CEP164: variants seen among roughly 807,000 people sequenced by gnomAD.
CEP164 encodes the protein centrosomal protein of 164 kDa.
Under a neutral mutation model 182.7 loss-of-function variants are expected in CEP164, and 162 were observed. The observed-to-expected ratio is 0.89, with a 90% confidence interval of 0.78 to 1.01. The LOEUF (loss-of-function observed/expected upper bound fraction) is 1.01. Ranked by LOEUF, CEP164 falls within the 50% of genes least tolerant of loss-of-function variation. The pLI, the probability that CEP164 is intolerant of heterozygous loss-of-function variation, is 0.00. For synonymous variants in CEP164, 661 were observed against 690.0 expected (o/e 0.96, Z 0.66); for missense variants, 1,735 against 1,790.4 (o/e 0.97, Z 0.56).
chr11:117,332,413 A>G (rs2036370888), intron 1 of CEP164, among the ~76,000 whole-genome samples: 2 of 151,986 alleles, frequency 1.3e-5, no homozygotes, highest in Non-Finnish European at 2.9e-5. Flanking sequence ...CATCTCCACT[A>G]AAAAAATACA....
chr11:117,330,427 C>T (rs770748134), intron 1 of CEP164, among the ~76,000 whole-genome samples: 1 of 152,100 alleles, frequency 6.6e-6, no homozygotes, highest in Non-Finnish European at 1.5e-5. Context: ...CCAAGGCGGG[C>T]GGATCACCTG....
chr11:117,372,130 CAG>C (rs1467570632), intron 9 of CEP164, among the ~76,000 whole-genome samples: 2 of 105,166 alleles, frequency 1.9e-5, no homozygotes, highest in African/African-American at 7.5e-5. Flanking sequence ...TTTTTTAAGA[CAG>C]AGTCTCACTC....
At chr11:117,371,591 A>G (rs2042197284) in intron 9 of CEP164, 125 bp downstream of exon 9, 1 of 1,205,356 alleles carries the variant, frequency 8.3e-7, no homozygotes, top group Admixed American at 2.8e-5. Context: ...GTGTCCCTGC[A>G]CTGGGCTGTC....
chr11:117,373,562 C>T (rs530787377), intron 9 of CEP164, among the ~76,000 whole-genome samples, 189 bp from the exon 10 acceptor site: 2 of 152,140 alleles, frequency 1.3e-5, no homozygotes, highest in Middle Eastern at 3.2e-3. Flanking sequence ...CCCAGTGGGG[C>T]GGAGGCTGTG....
intron 5 of CEP164, among the ~76,000 whole-genome samples, chr11:117,361,109 A>G (rs1225965091): frequency 1.4e-5 from 2 of 142,992 alleles, no homozygotes; most frequent in African/African-American, 2.6e-5. Flanking sequence ...TAATTTTTGT[A>G]TTTTTAGTAG....
At chr11:117,349,429 G>C (rs2039347638) in intron 4 of CEP164, among the ~76,000 whole-genome samples, 1 of 152,078 alleles carries the variant, frequency 6.6e-6, no homozygotes, top group Non-Finnish European at 1.5e-5. Flanking sequence ...CAATTCATTT[G>C]GGTATATGCC....
At chr11:117,397,714 G>A (rs138319358) in intron 27 of CEP164, among the ~76,000 whole-genome samples, 4 of 152,266 alleles carry the variant, frequency 2.6e-5, no homozygotes, top group Non-Finnish European at 4.4e-5. Context: ...AACCCATCAG[G>A]ATCTCGGGAG....
chr11:117,381,748 G>T lies in CEP164; in HGVS notation c.1457G>T (p.Arg486Leu). The T allele has an allele frequency of 6.2e-7, 1 of 1,609,148 alleles. No homozygotes were observed. The highest frequency in any genetic ancestry group is 8.5e-7 in the Non-Finnish European group (1 of 1,177,972). The change falls in exon 13 of 33, where the codon CGC becomes CTC. Residue 486 changes from arginine to leucine, a missense_variant. Coordinates refer to ENST00000278935, the MANE Select transcript of CEP164 (RefSeq NM_014956.5). ...GAGGAGCGGGCCCAGAGTCCCCCTC[G>T]CAGCCTGGCCACTGAAGAAGAGCCT... ...PHEERAQSPPRSLATEEEPPQ... is the reference protein window; with the variant it reads ...PHEERAQSPPLSLATEEEPPQ...
chr11:117,387,439 T>G (rs749557165), intron 15 of CEP164, 27 bp downstream of exon 15: 6 of 1,607,534 alleles, frequency 3.7e-6, no homozygotes, highest in Non-Finnish European at 5.1e-6. Flanking sequence ...TAGGCATGCT[T>G]CCTGGGGCCT....
chr11:117,392,142 G>A (rs2044732985), intron 17 of CEP164, 84 bp from the exon 18 acceptor site: 1 of 1,243,082 alleles, frequency 8.0e-7, no homozygotes, highest in Non-Finnish European at 1.1e-6. Flanking sequence ...CGAGGGCTTG[G>A]GGGTCGGTAG....
At chr11:117,336,831 A>G (rs992817111) in intron 2 of CEP164, among the ~76,000 whole-genome samples, 1 of 151,908 alleles carries the variant, frequency 6.6e-6, no homozygotes, top group Non-Finnish European at 1.5e-5. Context: ...TGTTGGTCAC[A>G]TTTGGTGTGG....
rs2047359921 is a variant in CEP164, at chr11:117,411,564, T to G, written c.4164-231T>G. 1 of 490,284 alleles carries G rather than the reference T, an allele frequency of 2.0e-6. No individual in the cohort carries two copies. The highest frequency in any genetic ancestry group is 3.7e-6 in the Non-Finnish European group (1 of 273,888). The allele number at this position is 490,284 out of a possible 1,614,324, so 30.4% of individuals were successfully genotyped here. A position where few individuals can be genotyped will look rare whatever the true frequency, so the allele number is the denominator to read the frequency against. ...AGGCGGATGTGGGAGCCCAGAGCCT[T>G]GTATCAGTAGCACCCAGCAAGGGGG... is the stretch of plus-strand genomic sequence containing the variant. On this transcript the variant is annotated intron_variant, in intron 31 of 32. Coordinates refer to ENST00000278935, the MANE Select transcript of CEP164 (RefSeq NM_014956.5). The surrounding 1 kb of genome is among the most constrained non-coding windows in gnomAD (Gnocchi z 4.4).
intron 27 of CEP164, among the ~76,000 whole-genome samples, chr11:117,404,105 T>G (rs1287282679): frequency 6.6e-6 from 1 of 152,096 alleles, no homozygotes; most frequent in East Asian, 1.9e-4. Context: ...AACATGCACC[T>G]TTAGTTCAGA....
rs1486972138 is a variant in CEP164 at position 117,409,977 on chromosome 11, T to A, written c.4096+12T>A. 1.9e-6 allele frequency: 3 copies of A among 1,612,854 alleles called. No individual in the cohort carries two copies. In the South Asian group the frequency reaches 3.3e-5, roughly 18 times the overall value. Reference sequence around the variant, plus strand: ...CAAGTATTTTCCATGTAAGCCCCACTCTGGGCGGAGCCTTCCCACCTGCCT... The same window carrying A: ...CAAGTATTTTCCATGTAAGCCCCACACTGGGCGGAGCCTTCCCACCTGCCT... On this transcript the variant is annotated intron_variant, in intron 30 of 32. Transcript: ENST00000278935. The surrounding 1 kb of genome is among the most constrained non-coding windows in gnomAD (Gnocchi z 4.4).
Position 117,394,420 on chromosome 11 carries a change from A to G in CEP164, c.2687A>G (p.Glu896Gly). ...CTGGAGCGCCTGCAGAGGGCCCATG[A>G]ACGAGAACTGGAGACTGTGAGGCAG... is the stretch of plus-strand genomic sequence containing the variant. ...GELERLQRAH[E>G]RELETVRQEQ... is the part of the protein sequence containing the mutation. Residue 896 changes from glutamate (E) to glycine (G), a missense_variant, in exon 21 of 33, where the codon GAA becomes GGA. Transcript: ENST00000278935. The surrounding 1 kb of genome is among the most constrained non-coding windows in gnomAD (Gnocchi z 4.0). The G allele has an allele frequency of 6.2e-7, 1 of 1,613,904 alleles. No individual in the cohort carries two copies. The highest frequency in any genetic ancestry group is 8.5e-7 in the Non-Finnish European group (1 of 1,179,948).
intron 8 of CEP164, chr11:117,364,176 C>A (rs913185528): frequency 3.9e-5 from 6 of 152,126 alleles, no homozygotes; most frequent in Admixed American, 3.3e-4. Flanking sequence ...AGTATTTATA[C>A]AACCAATGAA....
intron 5 of CEP164, among the ~76,000 whole-genome samples, chr11:117,354,430 T>C (rs1220443035): frequency 1.3e-5 from 2 of 152,194 alleles, no homozygotes; most frequent in African/African-American, 2.4e-5. Flanking sequence ...TAGAGCCCTG[T>C]TTTCAAGTCA....
intron 15 of CEP164, among the ~76,000 whole-genome samples, 186 bp downstream of exon 15, chr11:117,387,598 C>T (rs1204037757): frequency 2.0e-5 from 3 of 152,166 alleles, no homozygotes; most frequent in East Asian, 3.9e-4. Flanking sequence ...AGAGAACACT[C>T]GGAAATGTAG....
At chr11:117,386,763 C>G (rs2136235537) in intron 14 of CEP164, 1 of 183,120 alleles carries the variant, frequency 5.5e-6, no homozygotes, top group Admixed American at 5.3e-5. Flanking sequence ...AAAGCAATCT[C>G]TGGGGACTGT....
Sources: allele counts gnomAD v4.1 joint callset (sites outside exome capture counted in the v4.1 genomes callset), GRCh38; gene constraint gnomAD v4.1.1; non-coding constraint Gnocchi (gnomAD v3.1); transcripts MANE v1.5; gene names NCBI Gene and HGNC (gene_info 2026-07-23, HGNC 2026-07-21).